GMDS: variants seen among roughly 807,000 people sequenced by gnomAD.
The protein encoded by GMDS is GDP-mannose 4,6-dehydratase.
Under a neutral mutation model 49.9 loss-of-function variants are expected in GMDS, and 20 were observed. That is an observed-to-expected ratio of 0.40 (90% CI 0.28 to 0.58). GMDS has a LOEUF of 0.58. GMDS is among the 20% of genes least tolerant of loss of function. The pLI is 0.42. For missense variants in GMDS, 362 were observed against 481.4 expected (o/e 0.75, Z 2.32); for synonymous variants, 177 against 178.6 (o/e 0.99, Z 0.07).
intron 1 of GMDS, among the ~76,000 whole-genome samples, chr6:2,228,372 C>T (rs1357571751): frequency 1.3e-5 from 2 of 152,206 alleles, no homozygotes; most frequent in Admixed American, 6.5e-5. Context: ...CTTCAATATA[C>T]ACTCCAAACC....
chr6:2,117,630 TTTATG>T, intron 2 of GMDS, 74 bp from the exon 3 acceptor site: 2 of 794,162 alleles, frequency 2.5e-6, no homozygotes, highest in Non-Finnish European at 4.5e-6. Flanking sequence ...AATGTTTAGC[TTTATG>T]AAAAAAATGA....
chr6:1,648,891 G>C (rs905893844), intron 9 of GMDS, among the ~76,000 whole-genome samples: 2 of 152,118 alleles, frequency 1.3e-5, no homozygotes, highest in Non-Finnish European at 2.9e-5. Flanking sequence ...ACAGTCTTCC[G>C]AGAGCTCTTA....
chr6:1,914,217 G>A (rs1176322421), intron 7 of GMDS, among the ~76,000 whole-genome samples: 11 of 149,616 alleles, frequency 7.4e-5, no homozygotes, highest in African/African-American at 2.7e-4. Context: ...AGCACTTTGG[G>A]AGGCTGAGGC....
chr6:1,671,420 C>A (rs1764417735), intron 9 of GMDS, among the ~76,000 whole-genome samples: 1 of 152,066 alleles, frequency 6.6e-6, no homozygotes, highest in Non-Finnish European at 1.5e-5. Flanking sequence ...TGGGATCAAG[C>A]CAAAAACAAC....
intron 7 of GMDS, among the ~76,000 whole-genome samples, chr6:1,903,032 A>G (rs991532079): frequency 1.3e-5 from 2 of 152,210 alleles, no homozygotes; most frequent in Non-Finnish European, 2.9e-5. Flanking sequence ...TATTTGCATC[A>G]AATGTGTCTA....
chr6:2,217,206 A>C (rs566655391), intron 1 of GMDS, among the ~76,000 whole-genome samples: 1 of 152,064 alleles, frequency 6.6e-6, no homozygotes, highest in Non-Finnish European at 1.5e-5. Context: ...ACACTGGGAC[A>C]CCTGGCTGCA....
At chr6:1,733,830 C>T (rs1334165112) in intron 8 of GMDS, among the ~76,000 whole-genome samples, 5 of 144,066 alleles carry the variant, frequency 3.5e-5, no homozygotes, top group South Asian at 2.3e-4. Context: ...CCAGCCAGGG[C>T]GACAGAGTGA....
intron 4 of GMDS, among the ~76,000 whole-genome samples, chr6:2,056,467 G>A (rs533577999): frequency 2.6e-5 from 4 of 152,228 alleles, no homozygotes; most frequent in African/African-American, 9.6e-5. Flanking sequence ...CAAGAATAAT[G>A]TCAGACTCTG....
At chr6:1,979,218 G>A (rs1765086111) in intron 4 of GMDS, among the ~76,000 whole-genome samples, 1 of 152,196 alleles carries the variant, frequency 6.6e-6, no homozygotes, top group Non-Finnish European at 1.5e-5. Context: ...ATAACAGAAG[G>A]AGACTTCAGA....
At chr6:1,744,320 T>C (rs537549421) in intron 7 of GMDS, among the ~76,000 whole-genome samples, 2 of 152,262 alleles carry the variant, frequency 1.3e-5, no homozygotes, top group Admixed American at 6.5e-5. Flanking sequence ...TGATATTCTA[T>C]AAAGTAACTG....
intron 8 of GMDS, among the ~76,000 whole-genome samples, chr6:1,735,570 G>A (rs1398102361): frequency 6.6e-6 from 1 of 152,160 alleles, no homozygotes; most frequent in African/African-American, 2.4e-5. Flanking sequence ...GACGAGCCCA[G>A]TGTGGCCAGG....
intron 7 of GMDS, among the ~76,000 whole-genome samples, chr6:1,903,132 T>C (rs1044059960): frequency 6.6e-6 from 1 of 152,210 alleles, no homozygotes; most frequent in Non-Finnish European, 1.5e-5. Flanking sequence ...GGAAGGAAAG[T>C]ATACACATTA....
intron 9 of GMDS, among the ~76,000 whole-genome samples, chr6:1,684,787 T>C (rs575723606): frequency 3.3e-5 from 5 of 152,282 alleles, no homozygotes; most frequent in African/African-American, 9.6e-5. Flanking sequence ...ACACCCTTAG[T>C]GGGTGATTTT....
chr6:1,998,038 T>A (rs976198672), intron 4 of GMDS, among the ~76,000 whole-genome samples: 2 of 152,104 alleles, frequency 1.3e-5, no homozygotes, highest in Non-Finnish European at 2.9e-5. Flanking sequence ...AAAAACCAGT[T>A]ACTTAGGGAA....
rs976095073 is a variant in GMDS, at chr6:2,029,973, A to G, written c.346-69007T>C. Among the ~76,000 whole-genome samples, 6 of 152,116 alleles carry G rather than the reference A, an allele frequency of 3.9e-5. No individual in the cohort carries two copies. In the East Asian group the frequency reaches 1.2e-3, roughly 29 times the overall value. On this transcript the variant is annotated intron_variant, in intron 4 of 10. Transcript: ENST00000380815. ...ACTCGGTCCTAGTCAAACCTCTACA[A>G]TAAAAACAGATAGCATGCATTACAT... is the stretch of plus-strand genomic sequence containing the variant.
chr6:2,245,459 G>C lies in GMDS; in HGVS notation c.-37C>G, dbSNP rs560920598. 9 of 1,268,142 alleles carry C rather than the reference G, an allele frequency of 7.1e-6. No individual in the cohort carries two copies. Among genetic ancestry groups the C allele is most frequent in the Non-Finnish European group, 9.3e-6 (9 of 968,664 alleles). The allele number at this position is 1,268,142 out of a possible 1,614,324, so 78.6% of individuals were successfully genotyped here. ...GGCGTGCGGTCGGCGGCAGGGCGGA[G>C]CGCGGCAGAGGGCAGGCGCGGTGCC... On this transcript the variant is annotated 5_prime_UTR_variant, in exon 1 of 11. Transcript: ENST00000380815.
chr6:2,156,936 C>T (rs1350612400), intron 1 of GMDS, among the ~76,000 whole-genome samples: 3 of 152,128 alleles, frequency 2.0e-5, no homozygotes, highest in African/African-American at 7.2e-5. Context: ...ATTCATTGAA[C>T]ATAAAACTAT....
At chr6:1,840,317 C>T (rs1312746392) in intron 7 of GMDS, among the ~76,000 whole-genome samples, 4 of 152,178 alleles carry the variant, frequency 2.6e-5, no homozygotes, top group Non-Finnish European at 5.9e-5. Flanking sequence ...TCTCCTCACC[C>T]CTTCCAGAAC....
intron 9 of GMDS, among the ~76,000 whole-genome samples, chr6:1,657,643 C>G (rs1292155922): frequency 6.6e-6 from 1 of 152,056 alleles, no homozygotes; most frequent in African/African-American, 2.4e-5. Context: ...GAGGCGAGAC[C>G]AGATTTCCTG....
Sources: allele counts gnomAD v4.1 joint callset (sites outside exome capture counted in the v4.1 genomes callset), GRCh38; gene constraint gnomAD v4.1.1; transcripts MANE v1.5; gene names NCBI Gene and HGNC (gene_info 2026-07-23, HGNC 2026-07-21).